RGS8: variants seen among roughly 807,000 people sequenced by gnomAD.
The protein encoded by RGS8 is regulator of G protein signaling 8, also known as regulator of G-protein signaling 8.
In RGS8, 8 loss-of-function variants were observed where a neutral mutation model predicts 21.7. The observed-to-expected ratio is 0.37, with a 90% confidence interval of 0.22 to 0.66. The LOEUF (loss-of-function observed/expected upper bound fraction) is 0.66, where lower values mean the gene tolerates loss of function less well. Among genes scored for constraint, RGS8 ranks in the 30% least tolerant of loss-of-function variants. RGS8 has a pLI of 0.59. For missense variants in RGS8, 157 were observed against 217.9 expected (o/e 0.72, Z 1.76); for synonymous variants, 80 against 83.6 (o/e 0.96, Z 0.24).
chr1:182,729,980 A>G, the RGS8 span, among the ~76,000 whole-genome samples: 157 of 152,314 alleles, frequency 1.0e-3, no homozygotes, highest in Admixed American at 2.4e-3. Flanking sequence ...AAACACATCT[A>G]AAAAAGGCTG....
chr1:182,666,781 C>T, intron 4 of RGS8, 91 bp downstream of exon 5: 4 of 904,334 alleles, frequency 4.4e-6, no homozygotes, highest in Non-Finnish European at 7.4e-6. Flanking sequence ...AGGATTTTTC[C>T]AGTGGCTCAT....
the RGS8 span, among the ~76,000 whole-genome samples, chr1:182,734,104 A>G: frequency 6.6e-6 from 1 of 151,386 alleles, no homozygotes; most frequent in Admixed American, 6.6e-5. Context: ...TATTTTTAGT[A>G]GAGACAGGGT....
chr1:182,738,057 A>C, the RGS8 span, among the ~76,000 whole-genome samples: 1 of 152,228 alleles, frequency 6.6e-6, no homozygotes. Context: ...TAAAGCAACT[A>C]AATGTTGTGA....
chr1:182,724,136 T>A, the RGS8 span, among the ~76,000 whole-genome samples: 1 of 136,768 alleles, frequency 7.3e-6, no homozygotes, highest in Non-Finnish European at 1.5e-5. Context: ...CACCATAGAA[T>A]CAGCTGCCAG....
chr1:182,666,061 A>T, intron 4 of RGS8, 28 bp from the exon 6 acceptor site: 1 of 1,603,582 alleles, frequency 6.2e-7, no homozygotes, highest in Non-Finnish European at 8.5e-7. Flanking sequence ...TCTGTCTTGA[A>T]TGTTTCTGAA....
the RGS8 span, among the ~76,000 whole-genome samples, chr1:182,706,866 T>C: frequency 6.6e-6 from 1 of 152,358 alleles, no homozygotes; most frequent in East Asian, 1.9e-4. Context: ...CAGTCATTTA[T>C]ATCTCAGTAT....
At chr1:182,662,503 T>C (rs913221046) in intron 5 of RGS8, among the ~76,000 whole-genome samples, 5 of 152,212 alleles carry the variant, frequency 3.3e-5, no homozygotes, top group African/African-American at 1.2e-4. Flanking sequence ...GTAATAGAGC[T>C]GGGTCAAAAT....
chr1:182,680,479 C>T (rs1040913107), intron 1 of RGS8, among the ~76,000 whole-genome samples: 1 of 152,176 alleles, frequency 6.6e-6, no homozygotes, highest in Non-Finnish European at 1.5e-5. Context: ...AAAGCCTCAC[C>T]TGAACACCCA....
At chr1:182,665,420 C>T (rs1173028953) in intron 5 of RGS8, among the ~76,000 whole-genome samples, 3 of 152,120 alleles carry the variant, frequency 2.0e-5, no homozygotes, top group African/African-American at 7.2e-5. Context: ...GGAAGGATAG[C>T]AGAAGTTGTA....
chr1:182,727,812 C>G, the RGS8 span, among the ~76,000 whole-genome samples: 1 of 151,986 alleles, frequency 6.6e-6, no homozygotes, highest in Non-Finnish European at 1.5e-5. Flanking sequence ...ATTTATTATT[C>G]AAAAGTTCAT....
At chr1:182,737,684 T>C in the RGS8 span, among the ~76,000 whole-genome samples, 1 of 152,154 alleles carries the variant, frequency 6.6e-6, no homozygotes, top group Non-Finnish European at 1.5e-5. Context: ...AATTATCCAG[T>C]CTCAGGTATG....
chr1:182,694,109 C>G, the RGS8 span, among the ~76,000 whole-genome samples: 5 of 151,580 alleles, frequency 3.3e-5, no homozygotes, highest in African/African-American at 1.2e-4. Flanking sequence ...TTCGCATGTA[C>G]CCCTGAACCT....
At chr1:182,686,350 T>C (rs1215806663), upstream of RGS8, among the ~76,000 whole-genome samples, 4 of 152,086 alleles carry the variant, frequency 2.6e-5, no homozygotes, top group Non-Finnish European at 5.9e-5. Flanking sequence ...TTTGAGAAGA[T>C]ACTAAGTGGA....
intron 5 of RGS8, among the ~76,000 whole-genome samples, chr1:182,655,431 G>A (rs1464373939): frequency 3.3e-5 from 5 of 152,208 alleles, no homozygotes; most frequent in Admixed American, 6.5e-5. Flanking sequence ...AACAGGGTGC[G>A]CATAGGCAGG....
chr1:182,719,277 G>C, the RGS8 span, among the ~76,000 whole-genome samples: 1 of 152,082 alleles, frequency 6.6e-6, no homozygotes, highest in African/African-American at 2.4e-5. Flanking sequence ...GCAGTTTTAA[G>C]TGAGAGGAGA....
chr1:182,748,909 A>G, the RGS8 span, among the ~76,000 whole-genome samples: 23 of 152,250 alleles, frequency 1.5e-4, no homozygotes, highest in African/African-American at 5.3e-4. Flanking sequence ...TTCTTTTGGG[A>G]AATGCTTATT....
chr1:182,686,688 A>C (rs1389987823), upstream of RGS8, among the ~76,000 whole-genome samples: 1 of 152,228 alleles, frequency 6.6e-6, no homozygotes, highest in African/African-American at 2.4e-5. Context: ...AGGCCAGGGC[A>C]GAAGTGGAAG....
chr1:182,734,487 C>A, the RGS8 span: 2 of 152,256 alleles, frequency 1.3e-5, no homozygotes, highest in South Asian at 2.1e-4. Flanking sequence ...GAAAAAATAA[C>A]CGAAAGAATC....
At chr1:182,740,536 TTTTGTTTG>T in the RGS8 span, among the ~76,000 whole-genome samples, 9 of 96,474 alleles carry the variant, frequency 9.3e-5, no homozygotes, top group Admixed American at 3.6e-4. Context: ...ATGTTGTTTT[TTTTGTTTG>T]TTTGTTTTTT....
Sources: allele counts gnomAD v4.1 joint callset (sites outside exome capture counted in the v4.1 genomes callset), GRCh38; gene constraint gnomAD v4.1.1; transcripts MANE v1.5; gene names NCBI Gene and HGNC (gene_info 2026-07-23, HGNC 2026-07-21).